Variants in C1orf141 observed in about 807,000 individuals in gnomAD.
C1orf141 encodes the protein chromosome 1 open reading frame 141, also known as uncharacterized protein C1orf141.
C1orf141 carries 19 observed loss-of-function variants against 23.2 expected under a neutral mutation model. That is an observed-to-expected ratio of 0.82 (90% CI 0.57 to 1.20). The LOEUF (loss-of-function observed/expected upper bound fraction) is 1.20, where lower values mean the gene tolerates loss of function less well. Among genes scored for constraint, C1orf141 ranks in the 50% most tolerant of loss-of-function variants. The probability of loss-of-function intolerance (pLI) is 0.00; values close to 1 mark genes in which losing one functional copy is unlikely to be tolerated. For synonymous variants in C1orf141, 153 were observed against 154.6 expected (o/e 0.99, Z 0.08); for missense variants, 469 against 455.1 (o/e 1.03, Z -0.28).
intron 5 of C1orf141, among the ~76,000 whole-genome samples, chr1:67,097,799 G>A (rs1481589410): frequency 6.6e-6 from 1 of 152,126 alleles, no homozygotes; most frequent in Non-Finnish European, 1.5e-5. Flanking sequence ...TGGTGGACTC[G>A]ATAAGGATTG....
At chr1:67,094,705 C>T (rs1241035239) in intron 7 of C1orf141, 1 of 152,252 alleles carries the variant, frequency 6.6e-6, no homozygotes, top group Non-Finnish European at 1.5e-5. Context: ...AGCCATATTG[C>T]CTCTCTAGAG....
intron 5 of C1orf141, among the ~76,000 whole-genome samples, chr1:67,106,646 C>G (rs780239668): frequency 1.3e-5 from 2 of 151,870 alleles, no homozygotes; most frequent in African/African-American, 2.4e-5. Context: ...TGACAGAGCA[C>G]GACTTCATCT....
At position 67,095,220 on chromosome 1, in the gene C1orf141, T is replaced by C. The variant is rs1412144086; in HGVS notation, c.603+15A>G. 7.0e-7 allele frequency: 1 copy of C among 1,419,948 alleles called. No homozygotes were observed. Among genetic ancestry groups the C allele is most frequent in the East Asian group, 2.3e-5 (1 of 43,856 alleles). The allele number at this position is 1,419,948 out of a possible 1,614,324, so 88.0% of individuals were successfully genotyped here. A position where few individuals can be genotyped will look rare whatever the true frequency, so the allele number is the denominator to read the frequency against. ...CTACACATATTTACTTAACAATAGA[T>C]GATATGCTTATTACCATGTGAGAAG... is the stretch of plus-strand genomic sequence containing the variant. On this transcript the variant is annotated intron_variant, in intron 7 of 7. Transcript: ENST00000684719.
At chr1:67,114,017 TC>T (rs1469609714) in intron 5 of C1orf141, among the ~76,000 whole-genome samples, 2 of 152,112 alleles carry the variant, frequency 1.3e-5, no homozygotes, top group Non-Finnish European at 2.9e-5. Context: ...GAAGGTAAGA[TC>T]AAGTTTTGGA....
intron 1 of C1orf141, among the ~76,000 whole-genome samples, chr1:67,140,276 A>C (rs1646624310): frequency 1.3e-5 from 2 of 152,324 alleles, no homozygotes; most frequent in East Asian, 1.9e-4. Flanking sequence ...AATATTTAAA[A>C]TTTCTGTATG....
At chr1:67,113,620 A>C (rs1323463230) in intron 5 of C1orf141, 1 of 837,798 alleles carries the variant, frequency 1.2e-6, no homozygotes, top group Non-Finnish European at 1.6e-6. Context: ...TTGCCTTGGC[A>C]TCTCAAAGTG....
At chr1:67,127,918 A>T (rs892631018) in intron 2 of C1orf141, among the ~76,000 whole-genome samples, 12 of 152,046 alleles carry the variant, frequency 7.9e-5, no homozygotes, top group African/African-American at 2.9e-4. Flanking sequence ...TACAGGTATG[A>T]GCCACCGTGC....
At chr1:67,138,028 AG>A (rs919095900), upstream of C1orf141, among the ~76,000 whole-genome samples, 7 of 152,216 alleles carry the variant, frequency 4.6e-5, no homozygotes, top group African/African-American at 1.7e-4. Flanking sequence ...CCTTAGGAAA[AG>A]CTGCCTCTTC....
chr1:67,102,389 T>C (rs1645823591), intron 5 of C1orf141, among the ~76,000 whole-genome samples: 1 of 150,370 alleles, frequency 6.7e-6, no homozygotes, highest in African/African-American at 2.5e-5. Flanking sequence ...TGTTAAAAGT[T>C]GGAAAAAGTG....
chr1:67,131,406 C>T (rs1646513725), intron 1 of C1orf141, among the ~76,000 whole-genome samples, 179 bp from the exon 2 acceptor site: 1 of 152,066 alleles, frequency 6.6e-6, no homozygotes, highest in South Asian at 2.1e-4. Flanking sequence ...CAGAGTGAGA[C>T]TCCTTCTCAA....
intron 4 of C1orf141, chr1:67,122,745 A>G (rs531946107): frequency 6.6e-6 from 1 of 152,362 alleles, no homozygotes; most frequent in East Asian, 1.9e-4. Flanking sequence ...AGCATTCATT[A>G]TAATTATTTT....
intron 5 of C1orf141, among the ~76,000 whole-genome samples, chr1:67,109,973 G>GCC (rs1172216281): frequency 5.9e-5 from 9 of 151,808 alleles, no homozygotes; most frequent in African/African-American, 2.2e-4. Context: ...GAGAAGAAAG[G>GCC]TAATCCAAGC....
chr1:67,137,682 G>A (rs1416330740), upstream of C1orf141, among the ~76,000 whole-genome samples: 1 of 152,092 alleles, frequency 6.6e-6, no homozygotes, highest in African/African-American at 2.4e-5. Context: ...AGGTCTCCAG[G>A]CAAATAAAGC....
intron 5 of C1orf141, among the ~76,000 whole-genome samples, chr1:67,110,415 T>C (rs189912772): frequency 3.2e-4 from 48 of 152,268 alleles, no homozygotes; most frequent in Non-Finnish European, 5.4e-4. Flanking sequence ...ATCTTTGTTA[T>C]TGATTTTCAC....
intron 2 of C1orf141, among the ~76,000 whole-genome samples, chr1:67,129,178 G>A (rs1646473598): frequency 6.6e-6 from 1 of 152,080 alleles, no homozygotes; most frequent in Non-Finnish European, 1.5e-5. Context: ...CAGACATGCT[G>A]GGTGTGGTGG....
chr1:67,117,750 T>A (rs1273550573), intron 4 of C1orf141, among the ~76,000 whole-genome samples: 1 of 152,194 alleles, frequency 6.6e-6, no homozygotes, highest in Non-Finnish European at 1.5e-5. Flanking sequence ...ATCCTTATCT[T>A]AAAAATACTT....
At chr1:67,123,482 TTATA>T (rs1646341301) in intron 4 of C1orf141, 2 of 152,130 alleles carry the variant, frequency 1.3e-5, no homozygotes, top group African/African-American at 4.8e-5. Flanking sequence ...TTCCATTTTA[TTATA>T]TAAAATTTTT....
intron 5 of C1orf141, among the ~76,000 whole-genome samples, chr1:67,114,310 C>T (rs1205886468): frequency 1.3e-5 from 2 of 151,764 alleles, no homozygotes; most frequent in African/African-American, 4.8e-5. Context: ...AAAATCTTTT[C>T]TGGAGTAACG....
chr1:67,128,284 C>T (rs1646454852), intron 2 of C1orf141, among the ~76,000 whole-genome samples: 1 of 152,182 alleles, frequency 6.6e-6, no homozygotes. Context: ...ACAGAGTACC[C>T]TATTAGTGTA....
Sources: allele counts gnomAD v4.1 joint callset (sites outside exome capture counted in the v4.1 genomes callset), GRCh38; gene constraint gnomAD v4.1.1; transcripts MANE v1.5; gene names NCBI Gene and HGNC (gene_info 2026-07-23, HGNC 2026-07-21).